The following GABRB3 variants were observed in gnomAD, a reference collection of about 807,000 sequenced individuals.
The protein encoded by GABRB3 is gamma-aminobutyric acid type A receptor subunit beta3.
GABRB3 carries 14 observed loss-of-function variants against 52.1 expected under a neutral mutation model. The ratio of observed to expected loss-of-function variants is 0.27; its 90% CI spans 0.18 to 0.42. GABRB3 has a LOEUF of 0.42. Among genes scored for constraint, GABRB3 ranks in the 10% least tolerant of loss-of-function variants. The probability of loss-of-function intolerance (pLI) is 1.00; values close to 1 mark genes in which losing one functional copy is unlikely to be tolerated. For synonymous variants in GABRB3, 260 were observed against 232.3 expected (o/e 1.12, Z -1.08); for missense variants, 307 against 609.1 (o/e 0.50, Z 5.22).
intron 3 of GABRB3, among the ~76,000 whole-genome samples, chr15:26,711,094 G>A (rs1889279093): frequency 6.6e-6 from 1 of 152,146 alleles, no homozygotes; most frequent in South Asian, 2.1e-4. Flanking sequence ...AATCTAGATA[G>A]ATCATTCTAC....
chr15:26,606,960 T>C (rs1350174358), intron 4 of GABRB3, among the ~76,000 whole-genome samples: 1 of 152,022 alleles, frequency 6.6e-6, no homozygotes, highest in Non-Finnish European at 1.5e-5. Context: ...CCTAACTTAA[T>C]AGTATGCACC....
intron 8 of GABRB3, among the ~76,000 whole-genome samples, 161 bp downstream of exon 8, chr15:26,560,766 TAAAAA>T: frequency 6.6e-6 from 1 of 152,102 alleles, no homozygotes. Context: ...AACCCCTGAA[TAAAAA>T]ACACCTGGGT....
intron 3 of GABRB3, among the ~76,000 whole-genome samples, chr15:26,641,031 C>T (rs188085691): frequency 1.9e-3 from 287 of 152,288 alleles, no homozygotes; most frequent in Non-Finnish European, 3.0e-3. Context: ...ACAAAAGCTG[C>T]AATCCTTTTG....
At chr15:26,595,328 C>T (rs1289597176) in intron 4 of GABRB3, among the ~76,000 whole-genome samples, 2 of 152,200 alleles carry the variant, frequency 1.3e-5, no homozygotes, top group Non-Finnish European at 1.5e-5. Context: ...ATAAGATCTG[C>T]TCTGCTCCCT....
At position 26,548,029 on chromosome 15, in the gene GABRB3, C is replaced by G; in HGVS notation, c.1186G>C (p.Asp396His). The G allele has an allele frequency of 6.2e-7, 1 of 1,614,170 alleles. No individual in the cohort carries two copies. Among genetic ancestry groups the G allele is most frequent in the Non-Finnish European group, 8.5e-7 (1 of 1,180,022 alleles). Residue 396 changes from aspartate to histidine, a missense_variant, in exon 9 of 9, where the codon GAC becomes CAC. Transcript: ENST00000311550. The stretch of plus-strand genomic sequence containing the variant: ...TTCCTGTACTGGATTCCTGAGTTGT[C>G]AAAGGATATTGCTGAATTCCTGGTA... ...GDTRNSAISF[D>H]NSGIQYRKQS...
At chr15:26,623,097 G>T (rs1285383760) in intron 3 of GABRB3, among the ~76,000 whole-genome samples, 1 of 152,174 alleles carries the variant, frequency 6.6e-6, no homozygotes, top group Non-Finnish European at 1.5e-5. Context: ...TCGCAGAGCA[G>T]GTGACACTAA....
intron 3 of GABRB3, among the ~76,000 whole-genome samples, chr15:26,770,306 A>G (rs1238345059): frequency 6.6e-6 from 1 of 152,228 alleles, no homozygotes; most frequent in Non-Finnish European, 1.5e-5. Flanking sequence ...CAGAAAAATT[A>G]CTGTCATAAG....
chr15:26,607,499 G>C (rs1566771224), intron 4 of GABRB3, among the ~76,000 whole-genome samples: 1 of 151,940 alleles, frequency 6.6e-6, no homozygotes, highest in Non-Finnish European at 1.5e-5. Flanking sequence ...GTGTGCCCAG[G>C]AGTTTGAGGT....
chr15:26,765,086 C>T (rs1357056006), intron 3 of GABRB3, among the ~76,000 whole-genome samples: 2 of 137,102 alleles, frequency 1.5e-5, no homozygotes, highest in African/African-American at 5.5e-5. Context: ...GCCGACATCA[C>T]GCCACTGCAC....
Position 26,621,246 on chromosome 15 carries a change from C to A in GABRB3, c.461+68G>T. 8.5e-7 allele frequency: 1 copy of A among 1,176,244 alleles called. No homozygotes were observed. Among genetic ancestry groups the A allele is most frequent in the Non-Finnish European group, 1.3e-6 (1 of 782,100 alleles). The allele number at this position is 1,176,244 out of a possible 1,614,324, so 72.9% of individuals were successfully genotyped here. On this transcript the variant is annotated intron_variant, in intron 4 of 8. Coordinates refer to ENST00000311550, the MANE Select transcript of GABRB3 (RefSeq NM_000814.6). The surrounding 1 kb of genome is among the most constrained non-coding windows in gnomAD (Gnocchi z 4.1). Reference sequence around the variant, plus strand: ...TCATTGCCTCACTTACAATAATCATCTCAAGTGAGATATTCAACACCCATG... The same window carrying A: ...TCATTGCCTCACTTACAATAATCATATCAAGTGAGATATTCAACACCCATG...
chr15:26,716,978 GC>G (rs1889497745), intron 3 of GABRB3, among the ~76,000 whole-genome samples: 1 of 138,122 alleles, frequency 7.2e-6, no homozygotes, highest in Non-Finnish European at 1.6e-5. Context: ...TGACAGCCCA[GC>G]TCTGGGGACA....
chr15:26,598,703 A>T (rs1891481999), intron 4 of GABRB3, among the ~76,000 whole-genome samples: 1 of 152,216 alleles, frequency 6.6e-6, no homozygotes, highest in South Asian at 2.1e-4. Flanking sequence ...AAGGCTTCCC[A>T]GGAAGCTCAC....
At chr15:26,549,337 T>A (rs1889374230) in intron 8 of GABRB3, among the ~76,000 whole-genome samples, 1 of 151,908 alleles carries the variant, frequency 6.6e-6, no homozygotes, top group Non-Finnish European at 1.5e-5. Context: ...AGACCGCCGG[T>A]GGGATGGCCT....
chr15:26,738,380 T>C (rs1280862603), intron 3 of GABRB3, among the ~76,000 whole-genome samples: 1 of 152,146 alleles, frequency 6.6e-6, no homozygotes, highest in East Asian at 1.9e-4. Flanking sequence ...ACAGCACCCG[T>C]CCAGTCTTGG....
chr15:26,571,855 C>G lies in GABRB3; in HGVS notation c.683-4122G>C, dbSNP rs557629385. On this transcript the variant is annotated intron_variant, in intron 6 of 8. Coordinates refer to ENST00000311550, the MANE Select transcript of GABRB3 (RefSeq NM_000814.6). The stretch of plus-strand genomic sequence containing the variant: ...GCGAGGTCAAGAGATCGAGACCATC[C>G]TGGCCAACATGGTGAAACCCCATCT... Among the ~76,000 whole-genome samples the G allele has an allele frequency of 2.0e-5, 3 of 152,102 alleles. No individual in the cohort carries two copies. The South Asian group carries it at 6.2e-4, about 32-fold the overall frequency.
At chr15:26,764,987 G>A (rs1752710186) in intron 3 of GABRB3, among the ~76,000 whole-genome samples, 1 of 151,984 alleles carries the variant, frequency 6.6e-6, no homozygotes, top group Non-Finnish European at 1.5e-5. Context: ...AAAGTTAGCT[G>A]GGTGTGGTGG....
chr15:26,643,559 A>T (rs916996930), intron 3 of GABRB3, among the ~76,000 whole-genome samples: 1 of 146,678 alleles, frequency 6.8e-6, no homozygotes, highest in Non-Finnish European at 1.5e-5. Context: ...CGCTCCTATC[A>T]TCAGCATTCT....
chr15:26,732,182 A>G (rs1304966608), intron 3 of GABRB3, among the ~76,000 whole-genome samples: 6 of 151,688 alleles, frequency 4.0e-5, no homozygotes, highest in Non-Finnish European at 5.9e-5. Flanking sequence ...GGATGGGTGG[A>G]TGAATGTATA....
intron 3 of GABRB3, among the ~76,000 whole-genome samples, chr15:26,644,515 A>G (rs1400199817): frequency 6.6e-6 from 1 of 152,294 alleles, no homozygotes; most frequent in East Asian, 1.9e-4. Flanking sequence ...AGCCACCACC[A>G]CAAGGAGGGG....
Sources: gnomAD v4.1 joint callset for allele counts (sites outside exome capture counted in the v4.1 genomes callset) on GRCh38, gnomAD v4.1.1 for gene constraint, Gnocchi (gnomAD v3.1) non-coding constraint, MANE v1.5 for transcripts, NCBI Gene and HGNC (gene_info 2026-07-23, HGNC 2026-07-21) for gene names.